Variants in ADGRG6 observed in about 807,000 individuals in gnomAD.
The protein encoded by ADGRG6 is G-protein coupled receptor 126.
A neutral mutation model predicts 142.4 loss-of-function variants in ADGRG6; 84 were observed. The ratio of observed to expected loss-of-function variants is 0.59; its 90% CI spans 0.49 to 0.71. The LOEUF is 0.71. Among genes scored for constraint, ADGRG6 ranks in the 30% least tolerant of loss-of-function variants. The pLI, the probability that ADGRG6 is intolerant of heterozygous loss-of-function variation, is 0.00. For synonymous variants in ADGRG6, 521 were observed against 520.5 expected (o/e 1.00, Z -0.01); for missense variants, 1,367 against 1,466.6 (o/e 0.93, Z 1.11).
At chr6:142,365,728 G>C (rs1331299758) in intron 2 of ADGRG6, among the ~76,000 whole-genome samples, 2 of 152,148 alleles carry the variant, frequency 1.3e-5, no homozygotes, top group African/African-American at 2.4e-5. Flanking sequence ...AGAATGGATG[G>C]AGACAGAGTT....
At chr6:142,356,701 T>C (rs2114802452) in intron 2 of ADGRG6, among the ~76,000 whole-genome samples, 1 of 147,490 alleles carries the variant, frequency 6.8e-6, no homozygotes, top group East Asian at 2.0e-4. Flanking sequence ...ATTTTTTTTT[T>C]CTTCAGATGT....
intron 23 of ADGRG6, chr6:142,437,927 G>A (rs1582695313): frequency 3.9e-6 from 1 of 257,366 alleles, no homozygotes; most frequent in African/African-American, 2.3e-5. Flanking sequence ...AACCTACTTT[G>A]TCTTTTTTCT....
At chr6:142,405,548 C>G in intron 14 of ADGRG6, 140 bp from the exon 15 acceptor site, 1 of 706,500 alleles carries the variant, frequency 1.4e-6, no homozygotes, top group South Asian at 1.5e-5. Context: ...GTTGCAGTGA[C>G]TACTGTAGAT....
chr6:142,410,525 T>G (rs560143716), intron 17 of ADGRG6, among the ~76,000 whole-genome samples: 2 of 152,214 alleles, frequency 1.3e-5, no homozygotes, highest in South Asian at 2.1e-4. Flanking sequence ...TAAAGAAGCT[T>G]CTTCTGTTTG....
At chr6:142,362,431 C>T (rs957183679) in intron 2 of ADGRG6, among the ~76,000 whole-genome samples, 6 of 152,124 alleles carry the variant, frequency 3.9e-5, no homozygotes, top group African/African-American at 1.2e-4. Context: ...GCATGTCTGT[C>T]AGAAGTTCTG....
intron 2 of ADGRG6, among the ~76,000 whole-genome samples, chr6:142,333,344 C>T (rs1220760031): frequency 6.6e-6 from 1 of 152,116 alleles, no homozygotes; most frequent in Non-Finnish European, 1.5e-5. Flanking sequence ...GTTATATCCC[C>T]TCTGACCCAT....
rs146864842 is a variant in ADGRG6, at chr6:142,422,182, A to G, written c.3319+2078A>G. On this transcript the variant is annotated intron_variant, in intron 22 of 24. Transcript: ENST00000367609. ...TTTTTTCTCTTTTTTTTTTTATTAT[A>G]CTTTAAGTTTTAGGGTACATGTGCA... 2.6e-3 allele frequency among the ~76,000 whole-genome samples: 387 copies of G among 151,582 alleles called. 4 individuals carry two copies. Among genetic ancestry groups the G allele is most frequent in the African/African-American group, 9.1e-3 (375 of 41,314 alleles).
chr6:142,382,869 G>A (rs1413912072), intron 5 of ADGRG6, among the ~76,000 whole-genome samples: 1 of 152,094 alleles, frequency 6.6e-6, no homozygotes, highest in African/African-American at 2.4e-5. Flanking sequence ...TCTCTTCTGT[G>A]GTTCCAGTGT....
intron 24 of ADGRG6, among the ~76,000 whole-genome samples, chr6:142,441,407 G>T (rs1777750166): frequency 6.6e-6 from 1 of 152,016 alleles, no homozygotes; most frequent in Admixed American, 6.6e-5. Flanking sequence ...TTTCAGCATA[G>T]GTCAAATAAT....
chr6:142,407,018 T>C (rs1036054393), intron 15 of ADGRG6, among the ~76,000 whole-genome samples: 1 of 151,952 alleles, frequency 6.6e-6, no homozygotes, highest in Admixed American at 6.6e-5. Flanking sequence ...TCCTTTGGTA[T>C]TTCTCTACCA....
intron 22 of ADGRG6, among the ~76,000 whole-genome samples, chr6:142,436,665 A>G (rs1215078141): frequency 6.6e-6 from 1 of 152,182 alleles, no homozygotes; most frequent in Non-Finnish European, 1.5e-5. Flanking sequence ...TTGTAAGTTA[A>G]TGGACATAAC....
At chr6:142,334,995 C>A (rs771464106) in intron 2 of ADGRG6, among the ~76,000 whole-genome samples, 1 of 152,110 alleles carries the variant, frequency 6.6e-6, no homozygotes, top group African/African-American at 2.4e-5. Flanking sequence ...GTGATTGGCA[C>A]TGGACAAAAG....
In ADGRG6 at chr6:142,302,127, C is replaced by G. The variant is rs1378049152; in HGVS notation, c.-203C>G. On this transcript the variant is annotated 5_prime_UTR_variant, in exon 1 of 25. Transcript: ENST00000367609. ...CCTGCTTCCTCGTCCGCAGGCCCTG[C>G]GCTGAACGCTGCCGCGCCCAGGGTT... The G allele has an allele frequency of 1.7e-6, 1 of 584,320 alleles. No homozygotes were observed. Among genetic ancestry groups the G allele is most frequent in the Admixed American group, 3.3e-5 (1 of 30,372 alleles). The allele number at this position is 584,320 out of a possible 1,614,324, so 36.2% of individuals were successfully genotyped here. A position where few individuals can be genotyped will look rare whatever the true frequency, so the allele number is the denominator to read the frequency against.
intron 9 of ADGRG6, 123 bp downstream of exon 9, chr6:142,394,081 T>G (rs1349028624): frequency 3.0e-6 from 2 of 660,606 alleles, no homozygotes; most frequent in African/African-American, 3.6e-5. Flanking sequence ...CAGTTATTTC[T>G]TTAGCACTGC....
intron 5 of ADGRG6, 136 bp downstream of exon 5, chr6:142,382,155 G>T (rs1196993259): frequency 1.6e-6 from 1 of 626,110 alleles, no homozygotes; most frequent in Non-Finnish European, 2.9e-6. Context: ...AAGAATTTCT[G>T]CATGTGTTTT....
At chr6:142,393,177 C>T (rs1031323178) in intron 8 of ADGRG6, among the ~76,000 whole-genome samples, 177 bp downstream of exon 8, 3 of 152,002 alleles carry the variant, frequency 2.0e-5, no homozygotes, top group East Asian at 1.9e-4. Flanking sequence ...CATGCTGCAG[C>T]GATGGTTTTA....
chr6:142,439,127 G>C (rs149118424), intron 24 of ADGRG6, among the ~76,000 whole-genome samples: 145 of 152,234 alleles, frequency 9.5e-4, no homozygotes, highest in Non-Finnish European at 1.5e-3. Flanking sequence ...CACAGCCTGG[G>C]CAACATAGCA....
At position 142,417,307 on chromosome 6, in the gene ADGRG6, G is replaced by A. The variant is rs769220312; in HGVS notation, c.2973G>A (p.Ala991=). Residue 991 remains alanine (A), a synonymous_variant, in exon 21 of 25, where the codon GCG becomes GCA. Transcript: ENST00000367609. ...CCTTAGTGGTGTCAGTTGTTCTAGC[G>A]AGCAGAAACAACAATGAAGTCTATG... is the stretch of plus-strand genomic sequence containing the variant. ...LPALVVSVVL[A]SRNNNEVYGK... is the part of the protein sequence containing the mutation. 3.6e-5 allele frequency: 57 copies of A among 1,604,304 alleles called. No homozygotes were observed. The East Asian group carries it at 7.4e-4, about 21-fold the overall frequency.
At chr6:142,377,751 A>G (rs1392560090) in intron 4 of ADGRG6, among the ~76,000 whole-genome samples, 2 of 152,206 alleles carry the variant, frequency 1.3e-5, no homozygotes, top group East Asian at 3.8e-4. Context: ...TGTGATATTG[A>G]CTTTTTATGC....
Sources: gnomAD v4.1 joint callset for allele counts (sites outside exome capture counted in the v4.1 genomes callset) on GRCh38, gnomAD v4.1.1 for gene constraint, MANE v1.5 for transcripts, NCBI Gene and HGNC (gene_info 2026-07-23, HGNC 2026-07-21) for gene names.